The following HOXD3 variants were observed in gnomAD, a reference collection of about 807,000 sequenced individuals.
The protein encoded by HOXD3 is homeobox protein Hox-D3.
Under a neutral mutation model 32.8 loss-of-function variants are expected in HOXD3, and 13 were observed. That is an observed-to-expected ratio of 0.40 (90% CI 0.26 to 0.63). The LOEUF (loss-of-function observed/expected upper bound fraction) is 0.63, where lower values mean the gene tolerates loss of function less well. Ranked by LOEUF, HOXD3 falls within the 20% of genes least tolerant of loss-of-function variation. The pLI, the probability that HOXD3 is intolerant of heterozygous loss-of-function variation, is 0.44. For missense variants in HOXD3, 504 were observed against 577.1 expected (o/e 0.87, Z 1.30); for synonymous variants, 241 against 246.8 (o/e 0.98, Z 0.22).
At chr2:176,157,703 A>T (rs1048245846) in intron 1 of HOXD3, among the ~76,000 whole-genome samples, 5 of 151,944 alleles carry the variant, frequency 3.3e-5, no homozygotes, top group Admixed American at 2.6e-4. Flanking sequence ...AGAGGGAGAG[A>T]CAGAGACAGA....
intron 1 of HOXD3, among the ~76,000 whole-genome samples, chr2:176,160,404 A>G (rs948161677): frequency 2.0e-5 from 3 of 152,176 alleles, no homozygotes; most frequent in Non-Finnish European, 2.9e-5. Context: ...GAGGGCGGCC[A>G]GGCCAAGACT....
chr2:176,167,482 G>T (rs2105447000), intron 2 of HOXD3, among the ~76,000 whole-genome samples: 1 of 152,270 alleles, frequency 6.6e-6, no homozygotes, highest in East Asian at 1.9e-4. Context: ...AAATGAAAGA[G>T]AAGAAACATT....
At position 176,172,243 on chromosome 2, in the gene HOXD3, TG is replaced by T; in HGVS notation, c.1269del (p.Pro424ArgfsTer6). 6.2e-7 allele frequency: 1 copy of T among 1,605,862 alleles called. No individual in the cohort carries two copies. The highest frequency in any genetic ancestry group is 8.5e-7 in the Non-Finnish European group (1 of 1,178,774). On this transcript the variant is annotated frameshift_variant, in exon 4 of 4. Transcript: ENST00000683222. LOFTEE classifies it high-confidence loss of function. ...LSAHHSSQGR[L>X]PEAPKLTHL ...GCCCACCACTCGTCTCAGGGACGAC[TG>T]CCGGAGGCTCCCAAACTGACGCATC...
upstream of HOXD3, chr2:176,152,562 A>G (rs1690561653): frequency 1.3e-6 from 2 of 1,510,514 alleles, no homozygotes; most frequent in South Asian, 1.1e-5. The surrounding 1 kb of genome is among the most constrained non-coding windows in gnomAD (Gnocchi z 5.2). Context: ...GGGCCTAACT[A>G]GTGGCCGGGC....
chr2:176,155,467 C>A (rs948072515), upstream of HOXD3, among the ~76,000 whole-genome samples: 3 of 152,170 alleles, frequency 2.0e-5, no homozygotes, highest in East Asian at 1.9e-4. Context: ...GAAACAACTT[C>A]TTTGTTTATA....
chr2:176,170,869 C>T (rs1188656513), intron 3 of HOXD3, among the ~76,000 whole-genome samples: 1 of 151,266 alleles, frequency 6.6e-6, no homozygotes, highest in Admixed American at 6.6e-5. Flanking sequence ...CCAGCCTGGC[C>T]TTGGACTCCC....
chr2:176,160,194 G>C (rs1026773773), intron 1 of HOXD3, among the ~76,000 whole-genome samples: 1 of 152,186 alleles, frequency 6.6e-6, no homozygotes, highest in African/African-American at 2.4e-5. Flanking sequence ...CGCCTTGCCG[G>C]GGTGCATGAG....
At position 176,172,404 on chromosome 2, in the gene HOXD3, T is replaced by C; in HGVS notation, c.*130T>C. 1.1e-6 allele frequency: 1 copy of C among 931,804 alleles called. No individual in the cohort carries two copies. The highest frequency in any genetic ancestry group is 1.6e-6 in the Non-Finnish European group (1 of 644,478). 57.7% of individuals were successfully genotyped at this position (931,804 alleles called of 1,614,324 possible). ...TTGCCCTGCCGCCGCCTCCCGGGTC[T>C]CAGGCCTCCAGCGGCGGAGGCGCAG... On this transcript the variant is annotated 3_prime_UTR_variant, in exon 4 of 4. Transcript: ENST00000683222.
upstream of HOXD3, chr2:176,152,658 A>G (rs533252081): frequency 6.0e-5 from 97 of 1,614,128 alleles, 2 homozygotes; most frequent in South Asian, 1.0e-3. The surrounding 1 kb of genome is among the most constrained non-coding windows in gnomAD (Gnocchi z 5.2). Flanking sequence ...AACGGCCTAC[A>G]CCCGGCAGCA....
chr2:176,165,006 A>G (rs1248897976), intron 2 of HOXD3: 1 of 152,246 alleles, frequency 6.6e-6, no homozygotes, highest in Non-Finnish European at 1.5e-5. Context: ...CCGACCGCCG[A>G]GCAGAGCTGC....
chr2:176,155,745 C>G (rs1218272834), upstream of HOXD3, among the ~76,000 whole-genome samples: 2 of 152,144 alleles, frequency 1.3e-5, no homozygotes, highest in Non-Finnish European at 2.9e-5. Context: ...CCAGTTTGTT[C>G]CTTTAAATAT....
In HOXD3 at chr2:176,164,353, T is replaced by TG. The variant is rs1690897085; in HGVS notation, c.-85+189dup. The TG allele has an allele frequency of 2.0e-5, 3 of 152,156 alleles. No individual in the cohort carries two copies. In the South Asian group the frequency reaches 6.2e-4, roughly 32 times the overall value. 9.4% of individuals were successfully genotyped at this position (152,156 alleles called of 1,614,324 possible). A position where few individuals can be genotyped will look rare whatever the true frequency, so the allele number is the denominator to read the frequency against. On this transcript the variant is annotated intron_variant, in intron 2 of 3. Coordinates refer to ENST00000683222, the MANE Select transcript of HOXD3 (RefSeq NM_006898.5). The stretch of plus-strand genomic sequence containing the variant: ...GGCCTTCAAATTTATGGCGCTTTAA[T>TG]GGGGCAAGCCCAGTGCCTTAAATAC...
At position 176,172,680 on chromosome 2, in the gene HOXD3, G is replaced by A. The variant is rs552182749; in HGVS notation, c.*406G>A. ...GACCTTAATTTATATTCTCCTTCCT[G>A]TGCCGTAAGGATTGCATCGGACTAA... On this transcript the variant is annotated 3_prime_UTR_variant, in exon 4 of 4. Transcript: ENST00000683222. 5.9e-4 allele frequency: 117 copies of A among 198,216 alleles called. No homozygotes were observed. The highest frequency in any genetic ancestry group is 1.6e-3 in the South Asian group (10 of 6,116). The allele number at this position is 198,216 out of a possible 1,614,324, so 12.3% of individuals were successfully genotyped here.
At chr2:176,162,477 C>T (rs1690839164) in intron 1 of HOXD3, among the ~76,000 whole-genome samples, 1 of 152,170 alleles carries the variant, frequency 6.6e-6, no homozygotes, top group South Asian at 2.1e-4. Flanking sequence ...CCGTTTTTGG[C>T]TCCAGAAAGA....
chr2:176,167,877 T>C (rs1400065431), intron 2 of HOXD3, among the ~76,000 whole-genome samples: 1 of 152,092 alleles, frequency 6.6e-6, no homozygotes, highest in African/African-American at 2.4e-5. Flanking sequence ...TTAGGAACAG[T>C]AGACAAATGA....
intron 2 of HOXD3, chr2:176,165,255 G>C (rs1357452806): frequency 6.6e-6 from 1 of 152,236 alleles, no homozygotes; most frequent in African/African-American, 2.4e-5. Flanking sequence ...CAGGTGCATT[G>C]ATATGCACCG....
upstream of HOXD3, among the ~76,000 whole-genome samples, chr2:176,156,822 A>G (rs1559135893): frequency 6.6e-6 from 1 of 152,216 alleles, no homozygotes; most frequent in Non-Finnish European, 1.5e-5. Context: ...AAATGAGCAG[A>G]ATGCATAAAA....
Position 176,171,787 on chromosome 2 carries a change from C to T in HOXD3, c.812C>T (p.Pro271Leu). Residue 271 changes from proline (P) to leucine (L), a missense_variant, in exon 4 of 4, where the codon CCA becomes CTA. This residue lies in a region of HOXD3 where 226 missense variants were observed against 246.9 expected (regional missense o/e 0.92). Transcript: ENST00000683222. The part of the protein sequence containing the change: ...SPASQSPERS[P>L]PLGGAAGHVA... Reference sequence around the variant, plus strand: ...GCTAGCCAGTCCCCTGAGCGCAGCCCACCGCTCGGCGGCGCCGCTGGCCAC... The same window carrying T: ...GCTAGCCAGTCCCCTGAGCGCAGCCTACCGCTCGGCGGCGCCGCTGGCCAC... 3.7e-6 allele frequency: 6 copies of T among 1,613,408 alleles called. No homozygotes were observed. Among genetic ancestry groups the T allele is most frequent in the Non-Finnish European group, 5.1e-6 (6 of 1,179,720 alleles).
chr2:176,158,940 G>A (rs1690714267), intron 1 of HOXD3, among the ~76,000 whole-genome samples: 1 of 151,792 alleles, frequency 6.6e-6, no homozygotes, highest in Non-Finnish European at 1.5e-5. Context: ...CCAAGGCCCC[G>A]GCTTGGCGGG....
Sources: gnomAD v4.1 joint callset for allele counts (sites outside exome capture counted in the v4.1 genomes callset) on GRCh38, gnomAD v4.1.1 for gene constraint, gnomAD v4.1.1 regional missense constraint, Gnocchi (gnomAD v3.1) non-coding constraint, MANE v1.5 for transcripts, NCBI Gene and HGNC (gene_info 2026-07-23, HGNC 2026-07-21) for gene names.